Variants in LRMDA observed in about 807,000 individuals in gnomAD.
LRMDA encodes leucine rich melanocyte differentiation associated.
LRMDA carries 18 observed loss-of-function variants against 29.8 expected under a neutral mutation model. The ratio of observed to expected loss-of-function variants is 0.60; its 90% confidence interval spans 0.42 to 0.90. LRMDA has a LOEUF of 0.90. Among genes scored for constraint, LRMDA ranks in the 40% least tolerant of loss-of-function variants. The pLI, the probability that LRMDA is intolerant of heterozygous loss-of-function variation, is 0.00. For synonymous variants in LRMDA, 125 were observed against 109.4 expected, an observed-to-expected ratio of 1.14 and a Z score of -0.89; for missense variants, 273 against 273.9, an observed-to-expected ratio of 1.00 and a Z score of 0.02.
At chr10:75,471,685 C>T (rs1200531718) in intron 2 of LRMDA, among the ~76,000 whole-genome samples, 1 of 152,162 alleles carries the variant, frequency 6.6e-6, no homozygotes, top group African/African-American at 2.4e-5. Flanking sequence ...TTTTAAATGA[C>T]TACATGATTT....
intron 5 of LRMDA, among the ~76,000 whole-genome samples, chr10:76,188,500 G>T (rs1851186073): frequency 6.6e-6 from 1 of 152,126 alleles, no homozygotes; most frequent in Non-Finnish European, 1.5e-5. Flanking sequence ...TTTCCTTCTG[G>T]CTTGACTGGG....
chr10:76,489,095 T>G (rs1000846291), intron 6 of LRMDA, among the ~76,000 whole-genome samples: 1 of 151,878 alleles, frequency 6.6e-6, no homozygotes, highest in African/African-American at 2.4e-5. Flanking sequence ...AGGATTGGTA[T>G]TTCTTCTTTA....
At chr10:75,796,668 G>T (rs1330666744) in intron 2 of LRMDA, among the ~76,000 whole-genome samples, 2 of 152,186 alleles carry the variant, frequency 1.3e-5, no homozygotes, top group African/African-American at 2.4e-5. Flanking sequence ...TGCCTCCCGG[G>T]TTCAAGCGAT....
chr10:75,640,888 CTGGGCCACTTGCATTGA>C (rs1489434925), intron 2 of LRMDA, among the ~76,000 whole-genome samples: 1 of 152,188 alleles, frequency 6.6e-6, no homozygotes, highest in African/African-American at 2.4e-5. Context: ...AGTTTGGGGC[CTGGGCCACTTGCATTGA>C]TGTGCTGAGG....
chr10:75,864,355 G>A (rs1844985063), intron 2 of LRMDA, among the ~76,000 whole-genome samples: 1 of 152,186 alleles, frequency 6.6e-6, no homozygotes, highest in South Asian at 2.1e-4. Flanking sequence ...GGGACATGAT[G>A]CAGGTTCAGC....
chr10:75,482,768 G>A (rs74536985), intron 2 of LRMDA, among the ~76,000 whole-genome samples: 1 of 152,164 alleles, frequency 6.6e-6, no homozygotes, highest in Non-Finnish European at 1.5e-5. Flanking sequence ...TCACTGACCT[G>A]AAACAAATAT....
At chr10:75,658,629 A>G (rs1300301946) in intron 2 of LRMDA, among the ~76,000 whole-genome samples, 1 of 152,196 alleles carries the variant, frequency 6.6e-6, no homozygotes, top group Non-Finnish European at 1.5e-5. Flanking sequence ...ACTTTGAGTA[A>G]CCTACTGTAT....
chr10:75,827,033 G>C (rs543933130), intron 2 of LRMDA, among the ~76,000 whole-genome samples: 40 of 152,234 alleles, frequency 2.6e-4, no homozygotes, highest in African/African-American at 8.9e-4. Flanking sequence ...ATACAAATCT[G>C]TTGTACAGAT....
At chr10:76,493,325 T>G (rs1203914921) in intron 6 of LRMDA, among the ~76,000 whole-genome samples, 1 of 151,972 alleles carries the variant, frequency 6.6e-6, no homozygotes, top group Non-Finnish European at 1.5e-5. Context: ...CCACCAATGT[T>G]CGCTTAAGAC....
intron 5 of LRMDA, among the ~76,000 whole-genome samples, chr10:76,260,393 A>G (rs1839920805): frequency 6.6e-6 from 1 of 152,216 alleles, no homozygotes; most frequent in South Asian, 2.1e-4. Context: ...GAATCCACTT[A>G]GTTTTAGCTT....
At chr10:75,732,838 G>A (rs1218616668) in intron 2 of LRMDA, among the ~76,000 whole-genome samples, 1 of 152,148 alleles carries the variant, frequency 6.6e-6, no homozygotes, top group African/African-American at 2.4e-5. Context: ...CATGCTCCTG[G>A]GCCCTGAGGA....
Position 76,151,716 on chromosome 10 carries a change from G to A in LRMDA, c.516+92933G>A, listed in dbSNP as rs572422606. On this transcript the variant is annotated intron_variant, in intron 5 of 6. Coordinates refer to ENST00000611255, the MANE Select transcript of LRMDA (RefSeq NM_001305581.2). ...TTTTTGAATTGCATTTTTTCCTGCT[G>A]ATACATGAAAAAGCAATTTTTTGTT... Among the ~76,000 whole-genome samples, 347 of 152,186 alleles carry A rather than the reference G, an allele frequency of 2.3e-3. 1 individual carries two copies. Among genetic ancestry groups the A allele is most frequent in the South Asian group, 7.1e-3 (34 of 4,818 alleles).
chr10:75,648,273 A>G (rs1471329768), intron 2 of LRMDA, among the ~76,000 whole-genome samples: 1 of 152,180 alleles, frequency 6.6e-6, no homozygotes, highest in Non-Finnish European at 1.5e-5. Context: ...AGTTTTAACC[A>G]AGGTTCTGTG....
chr10:75,511,967 T>C (rs2132032474), intron 2 of LRMDA, among the ~76,000 whole-genome samples: 1 of 152,296 alleles, frequency 6.6e-6, no homozygotes, highest in Middle Eastern at 3.4e-3. Context: ...TGGTCTGAAG[T>C]TTGGGGAAGA....
At chr10:75,838,031 T>C (rs1200213135) in intron 2 of LRMDA, among the ~76,000 whole-genome samples, 1 of 152,176 alleles carries the variant, frequency 6.6e-6, no homozygotes, top group Non-Finnish European at 1.5e-5. Flanking sequence ...AAATGAAGTA[T>C]ATATAAAAAC....
intron 2 of LRMDA, among the ~76,000 whole-genome samples, chr10:75,934,016 G>A (rs548109653): frequency 3.4e-4 from 52 of 152,282 alleles, no homozygotes; most frequent in African/African-American, 1.2e-3. Flanking sequence ...AGTTAGTGAT[G>A]AGAGGACCAA....
chr10:75,790,699 G>A (rs1843551025), intron 2 of LRMDA, among the ~76,000 whole-genome samples: 2 of 152,212 alleles, frequency 1.3e-5, no homozygotes, highest in South Asian at 4.1e-4. Flanking sequence ...ATCTGATTTG[G>A]CATACATTTT....
intron 2 of LRMDA, among the ~76,000 whole-genome samples, chr10:75,578,224 A>AAAAAAAAAAAAAAAAG (rs1840534862): frequency 7.1e-6 from 1 of 140,034 alleles, no homozygotes; most frequent in African/African-American, 2.5e-5. Context: ...GCAAAAAAAA[A>AAAAAAAAAAAAAAAAG]AAAAAAAAAA....
At chr10:75,645,272 C>T (rs896974861) in intron 2 of LRMDA, among the ~76,000 whole-genome samples, 1 of 152,198 alleles carries the variant, frequency 6.6e-6, no homozygotes, top group African/African-American at 2.4e-5. Context: ...CGTGAGCCAC[C>T]GTGCATGGCA....
Sources: allele counts gnomAD v4.1 joint callset (sites outside exome capture counted in the v4.1 genomes callset), GRCh38; gene constraint gnomAD v4.1.1; transcripts MANE v1.5; gene names NCBI Gene and HGNC (gene_info 2026-07-23, HGNC 2026-07-21).